Variants in RELB observed in about 807,000 individuals in gnomAD.
RELB encodes RELB proto-oncogene, NF-kB subunit, also known as transcription factor RelB.
Under a neutral mutation model 55.4 loss-of-function variants are expected in RELB, and 14 were observed. The observed-to-expected ratio is 0.25, with a 90% CI of 0.17 to 0.40. The LOEUF (loss-of-function observed/expected upper bound fraction) is 0.40, where lower values mean the gene tolerates loss of function less well. RELB is among the 10% of genes least tolerant of loss of function. RELB has a pLI of 1.00. For missense variants in RELB, 669 were observed against 830.7 expected, an observed-to-expected ratio of 0.81 and a Z score of 2.39; for synonymous variants, 409 against 371.3, an observed-to-expected ratio of 1.10 and a Z score of -1.17.
Position 45,037,818 on chromosome 19 carries a change from G to A in RELB, c.*28G>A. ...CCGCGATGCCAGAGGAGGGGCACTG[G>A]GTGGGGAGGGAGGTGGAGGAGCCGT... On this transcript the variant is annotated 3_prime_UTR_variant, in exon 12 of 12. Coordinates refer to ENST00000221452, the MANE Select transcript of RELB (RefSeq NM_006509.4). 1 of 1,473,572 alleles carries A rather than the reference G, an allele frequency of 6.8e-7. No homozygotes were observed. The highest frequency in any genetic ancestry group is 1.4e-5 in the South Asian group (1 of 70,744). The allele number at this position is 1,473,572 out of a possible 1,614,324, so 91.3% of individuals were successfully genotyped here. A position where few individuals can be genotyped will look rare whatever the true frequency, so the allele number is the denominator to read the frequency against.
chr19:45,037,524 G>A lies in RELB; in HGVS notation c.1474G>A (p.Asp492Asn), dbSNP rs766860829. Reference protein sequence around the residue: ...PDLLDDGFAYDPTAPTLFTML... With the variant: ...PDLLDDGFAYNPTAPTLFTML... ...CCTCCTGGACGATGGCTTTGCCTAC[G>A]ACCCTACGGCCCCCACACTCTTCAC... is the stretch of plus-strand genomic sequence containing the variant. Residue 492 changes from aspartate (D) to asparagine (N), a missense_variant, in exon 12 of 12, where the codon GAC (aspartate) becomes AAC (asparagine). Asp to Asn is a conservative substitution (Grantham distance 23). This residue lies in a region of RELB where 341 missense variants were observed against 436.8 expected (regional missense o/e 0.78). Transcript: ENST00000221452. 4 of 1,613,304 alleles carry A rather than the reference G, an allele frequency of 2.5e-6. No individual in the cohort carries two copies. The highest frequency in any genetic ancestry group is 1.1e-5 in the South Asian group (1 of 91,080).
At chr19:45,011,853 G>GT in intron 3 of RELB, 83 bp from the exon 4 acceptor site, 1 of 718,350 alleles carries the variant, frequency 1.4e-6, no homozygotes, top group Non-Finnish European at 2.0e-6. Context: ...GATGGAAAAC[G>GT]TCTCGGGGGT....
At chr19:45,005,818 G>A (rs1380588761) in intron 2 of RELB, among the ~76,000 whole-genome samples, 2 of 152,160 alleles carry the variant, frequency 1.3e-5, no homozygotes, top group African/African-American at 2.4e-5. Context: ...TGGCCAGGCC[G>A]GTCTGGAACT....
intron 1 of RELB, 119 bp from the exon 2 acceptor site, chr19:45,002,830 C>G: frequency 2.6e-6 from 2 of 768,884 alleles, no homozygotes; most frequent in Non-Finnish European, 4.3e-6. Flanking sequence ...GCAGTCAGGG[C>G]GAGGGGCCTG....
Position 45,022,116 on chromosome 19 carries a change from C to T in RELB, c.568C>T (p.Pro190Ser). 1 of 1,613,298 alleles carries T rather than the reference C, an allele frequency of 6.2e-7. No individual in the cohort carries two copies. Among genetic ancestry groups the T allele is most frequent in the Non-Finnish European group, 8.5e-7 (1 of 1,179,608 alleles). Residue 190 changes from proline to serine, a missense_variant, in exon 5 of 12, where the codon CCT becomes TCT. Physicochemically the swap from Pro to Ser is moderately conservative, Grantham distance 74. Transcript: ENST00000221452. ...TGCCTGCCTGGTGTGGAAGGACTGG[C>T]CTCACCGAGTCCACCCCCACAGCCT... ...VTACLVWKDW[P>S]HRVHPHSLVG...
rs1423820707 is a variant in RELB, at chr19:45,025,265, T to G, written c.663-64T>G. On this transcript the variant is annotated intron_variant, in intron 5 of 11. Coordinates refer to ENST00000221452, the MANE Select transcript of RELB (RefSeq NM_006509.4). The stretch of plus-strand genomic sequence containing the variant: ...ACAGCAGCATCTGCCAGAGCCCTCC[T>G]GCAGGTTAGGGCCACACTTGCCTGC... 1.0e-5 allele frequency: 12 copies of G among 1,152,138 alleles called. 1 individual carries two copies. The Middle Eastern group carries it at 5.8e-4, about 55-fold the overall frequency. 71.4% of individuals were successfully genotyped at this position (1,152,138 alleles called of 1,614,324 possible).
At chr19:45,006,781 CA>C (rs1971287216) in intron 2 of RELB, among the ~76,000 whole-genome samples, 1 of 151,202 alleles carries the variant, frequency 6.6e-6, no homozygotes, top group African/African-American at 2.4e-5. Flanking sequence ...ACCAACGTGG[CA>C]AAACCTCATC....
rs746973860 is a variant in RELB at position 45,037,571 on chromosome 19, G to C, written c.1521G>C (p.Pro507=). ...TCACCATGCTGGACCTGCTGCCCCC[G>C]GCACCGCCACACGCTAGCGCTGTTG... The part of the protein sequence containing the change: ...TLFTMLDLLP[P]APPHASAVVC... The change falls in exon 12 of 12, where the codon CCG becomes CCC. Residue 507 remains proline, a synonymous_variant. Coordinates refer to ENST00000221452, the MANE Select transcript of RELB (RefSeq NM_006509.4). 2.5e-6 allele frequency: 4 copies of C among 1,612,506 alleles called. No homozygotes were observed. Among genetic ancestry groups the C allele is most frequent in the Admixed American group, 1.7e-5 (1 of 59,884 alleles).
At chr19:45,011,584 G>A (rs1374645814) in intron 3 of RELB, among the ~76,000 whole-genome samples, 1 of 152,068 alleles carries the variant, frequency 6.6e-6, no homozygotes, top group Non-Finnish European at 1.5e-5. Flanking sequence ...AGCCTCCTGA[G>A]TAGCTGGGAT....
intron 3 of RELB, 67 bp downstream of exon 3, chr19:45,009,889 GCCTTCC>G (rs1971328037): frequency 1.8e-6 from 1 of 541,590 alleles, no homozygotes; most frequent in Non-Finnish European, 3.0e-6. Flanking sequence ...GGGGGTCTTG[GCCTTCC>G]TTGTTCAGTG....
rs547197086 is a variant in RELB at position 45,028,603 on chromosome 19, G to A, written c.887-285G>A. 3.9e-5 allele frequency among the ~76,000 whole-genome samples: 6 copies of A among 152,272 alleles called. No individual in the cohort carries two copies. The South Asian group carries it at 1.2e-3, about 32-fold the overall frequency. On this transcript the variant is annotated intron_variant, in intron 7 of 11. Coordinates refer to ENST00000221452, the MANE Select transcript of RELB (RefSeq NM_006509.4). ...CCTGCCTCGGCCTCCCAAAGAGCTG[G>A]GATTACAGGCGTGAGCCACCATGCC... is the stretch of plus-strand genomic sequence containing the variant.
At chr19:45,005,251 G>T (rs938196189) in intron 2 of RELB, among the ~76,000 whole-genome samples, 1 of 152,154 alleles carries the variant, frequency 6.6e-6, no homozygotes, top group Non-Finnish European at 1.5e-5. Flanking sequence ...GAAATTATTT[G>T]CATTTTTAGC....
rs1413870850 is a variant in RELB, at chr19:45,037,709, G to A, written c.1659G>A (p.Val553=). 1.3e-6 allele frequency: 2 copies of A among 1,542,022 alleles called. No individual in the cohort carries two copies. The highest frequency in any genetic ancestry group is 2.8e-5 in the African/African-American group (2 of 70,726). ...GPGDGGTASL[V]GSNMFPNHYR... The stretch of plus-strand genomic sequence containing the variant: ...GGGATGGAGGCACCGCCAGCCTTGT[G>A]GGCAGCAACATGTTCCCCAATCATT... Residue 553 remains valine (V), a synonymous_variant, in exon 12 of 12, where the codon GTG becomes GTA. Transcript: ENST00000221452.
At chr19:45,012,669 G>A (rs1971376692) in intron 4 of RELB, among the ~76,000 whole-genome samples, 1 of 151,350 alleles carries the variant, frequency 6.6e-6, no homozygotes, top group Non-Finnish European at 1.5e-5. Context: ...CCAGGGAGGT[G>A]CAGGCTGCTG....
intron 8 of RELB, 89 bp from the exon 9 acceptor site, chr19:45,032,445 T>G: frequency 9.2e-7 from 1 of 1,081,276 alleles, no homozygotes; most frequent in Non-Finnish European, 1.4e-6. Context: ...AGGGGGAATA[T>G]TAGTCTTGAT....
intron 4 of RELB, 190 bp from the exon 5 acceptor site, chr19:45,021,863 C>T: frequency 1.9e-6 from 1 of 530,622 alleles, no homozygotes; most frequent in South Asian, 3.2e-5. Flanking sequence ...GCGTGAGCCA[C>T]CTCGCCCGGC....
intron 5 of RELB, among the ~76,000 whole-genome samples, chr19:45,024,002 GC>G (rs1347049506): frequency 5.5e-5 from 1 of 18,186 alleles, no homozygotes; most frequent in Non-Finnish European, 1.6e-4. Context: ...ACCCGCCTCG[GC>G]CTCCAATTTT....
rs748518205 is a variant in RELB at position 45,028,942 on chromosome 19, C to A, written c.941C>A (p.Pro314Gln). The change falls in exon 8 of 12, where the codon CCG becomes CAG. Residue 314 changes from proline (P) to glutamine (Q), a missense_variant. Around this residue, in one of 3 missense-constraint regions of RELB, gnomAD observed 341 missense variants for 436.8 expected, o/e 0.78. Coordinates refer to ENST00000221452, the MANE Select transcript of RELB (RefSeq NM_006509.4). Reference sequence around the variant, plus strand: ...TGCCGAATTAACAAGGAAAGCGGGCCGTGCACCGGTGGCGAGGAGCTCTAC... The same window carrying A: ...TGCCGAATTAACAAGGAAAGCGGGCAGTGCACCGGTGGCGAGGAGCTCTAC... The part of the protein sequence containing the change: ...RICRINKESG[P>Q]CTGGEELYLL... 6 of 1,599,242 alleles carry A rather than the reference C, an allele frequency of 3.8e-6. No individual in the cohort carries two copies. The highest frequency in any genetic ancestry group is 5.1e-6 in the Non-Finnish European group (6 of 1,173,636).
intron 7 of RELB, among the ~76,000 whole-genome samples, chr19:45,027,232 C>CAAAA (rs34018517): frequency 2.4e-5 from 3 of 125,318 alleles, no homozygotes; most frequent in Admixed American, 8.3e-5. Flanking sequence ...GACTCCTTCT[C>CAAAA]AAAAAAAAAA....
Sources: gnomAD v4.1 joint callset for allele counts (sites outside exome capture counted in the v4.1 genomes callset) on GRCh38, gnomAD v4.1.1 for gene constraint, gnomAD v4.1.1 regional missense constraint, MANE v1.5 for transcripts, NCBI Gene and HGNC (gene_info 2026-07-23, HGNC 2026-07-21) for gene names.